PLAAT2: variants seen among roughly 807,000 people sequenced by gnomAD.
The protein encoded by PLAAT2 is phospholipase A and acyltransferase 2, also known as HRAS like suppressor 2.
A neutral mutation model predicts 12.8 loss-of-function variants in PLAAT2; 12 were observed. The ratio of observed to expected loss-of-function variants is 0.94; its 90% CI spans 0.60 to 1.52. The LOEUF is 1.52. Ranked by LOEUF, PLAAT2 falls within the 40% of genes most tolerant of loss-of-function variation. PLAAT2 has a pLI of 0.00. For missense variants in PLAAT2, 166 were observed against 208.1 expected, an observed-to-expected ratio of 0.80 and a Z score of 1.24; for synonymous variants, 79 against 86.8, an observed-to-expected ratio of 0.91 and a Z score of 0.50.
intron 3 of PLAAT2, among the ~76,000 whole-genome samples, chr11:63,554,419 G>A (rs1249089267): frequency 1.6e-4 from 25 of 151,842 alleles, no homozygotes; most frequent in Admixed American, 1.5e-3. Flanking sequence ...ATCATTTGAG[G>A]TCAGGAGTTC....
At chr11:63,564,763 C>A (rs770247029), upstream of PLAAT2, among the ~76,000 whole-genome samples, 4 of 152,168 alleles carry the variant, frequency 2.6e-5, no homozygotes, top group Non-Finnish European at 5.9e-5. Context: ...GCTTGCTGAT[C>A]ATCTTTTTAG....
At chr11:63,553,352 A>C (rs1198421298) in intron 3 of PLAAT2, among the ~76,000 whole-genome samples, 3 of 152,150 alleles carry the variant, frequency 2.0e-5, no homozygotes, top group Admixed American at 6.6e-5. Context: ...TATTAAAAGC[A>C]TAATAGGTCG....
chr11:63,553,014 C>T lies in PLAAT2; in HGVS notation c.439G>A (p.Ala147Thr), dbSNP rs755891349. ...VGVAAGLLAAASLVGILLARS... is the reference protein window; with the variant it reads ...VGVAAGLLAATSLVGILLARS... ...GCCAGCAGGATCCCCACAAGGCTTG[C>T]GGCAGCCAGCAGGCCTGCTGCCACA... Residue 147 changes from alanine (A) to threonine (T), a missense_variant, in exon 4 of 4, where the codon GCA (alanine) becomes ACA (threonine). Coordinates refer to ENST00000255695, the MANE Select transcript of PLAAT2 (RefSeq NM_017878.2). 64 of 1,613,784 alleles carry T rather than the reference C, an allele frequency of 4.0e-5. No homozygotes were observed. The highest frequency in any genetic ancestry group is 5.0e-5 in the Non-Finnish European group (59 of 1,179,892).
In PLAAT2 at chr11:63,552,925, T is replaced by C. The variant is rs779142692; in HGVS notation, c.*39A>G. 4 of 1,338,420 alleles carry C rather than the reference T, an allele frequency of 3.0e-6. No homozygotes were observed. The highest frequency in any genetic ancestry group is 4.3e-6 in the Non-Finnish European group (4 of 929,508). 82.9% of individuals were successfully genotyped at this position (1,338,420 alleles called of 1,614,324 possible). On this transcript the variant is annotated 3_prime_UTR_variant, in exon 4 of 4. Transcript: ENST00000255695. The stretch of plus-strand genomic sequence containing the variant: ...ACTCCTGCTGGCTAAATAATATTCC[T>C]CCGTAAGAATTGGTGGTTGTTGGGA...
At chr11:63,556,255 C>T (rs2017465713) in intron 3 of PLAAT2, among the ~76,000 whole-genome samples, 2 of 152,044 alleles carry the variant, frequency 1.3e-5, no homozygotes, top group African/African-American at 4.8e-5. Flanking sequence ...TATTGGGTGA[C>T]CTGCAGGAGA....
At chr11:63,561,949 T>A (rs1176308740) in intron 1 of PLAAT2, among the ~76,000 whole-genome samples, 1 of 152,184 alleles carries the variant, frequency 6.6e-6, no homozygotes, top group Non-Finnish European at 1.5e-5. Context: ...GGATATTTTT[T>A]AAAAACACTA....
chr11:63,563,841 G>C (rs1438719281), upstream of PLAAT2, among the ~76,000 whole-genome samples: 1 of 152,030 alleles, frequency 6.6e-6, no homozygotes, highest in African/African-American at 2.4e-5. Context: ...AGACAGAAGA[G>C]GAATCAGAGC....
chr11:63,563,697 G>GA (rs2017539224), upstream of PLAAT2, among the ~76,000 whole-genome samples: 1 of 145,964 alleles, frequency 6.9e-6, no homozygotes, highest in Admixed American at 6.9e-5. Flanking sequence ...TAGCCTGGGC[G>GA]GCAGGGCGAG....
chr11:63,553,993 G>A (rs924224904), intron 3 of PLAAT2, among the ~76,000 whole-genome samples: 1 of 152,182 alleles, frequency 6.6e-6, no homozygotes, highest in African/African-American at 2.4e-5. Flanking sequence ...TCTGCAAAAG[G>A]AAGAAGAAAC....
chr11:63,564,851 C>G (rs115353842), upstream of PLAAT2, among the ~76,000 whole-genome samples: 2,531 of 152,188 alleles, frequency 0.017, 79 homozygotes, highest in African/African-American at 0.058. Flanking sequence ...CCCCTGTTTC[C>G]TGGGGCAGGA....
upstream of PLAAT2, among the ~76,000 whole-genome samples, chr11:63,564,248 C>A (rs1565241751): frequency 6.6e-6 from 1 of 152,134 alleles, no homozygotes; most frequent in Non-Finnish European, 1.5e-5. Flanking sequence ...AAACCAAAAC[C>A]CAGTACTGGG....
chr11:63,557,574 C>T (rs1343557228), intron 3 of PLAAT2, among the ~76,000 whole-genome samples: 2 of 151,938 alleles, frequency 1.3e-5, no homozygotes, highest in Non-Finnish European at 2.9e-5. Context: ...CAAAAGTTGG[C>T]CAACTATGGC....
upstream of PLAAT2, among the ~76,000 whole-genome samples, chr11:63,563,785 G>A (rs1225568807): frequency 6.6e-6 from 1 of 150,790 alleles, no homozygotes; most frequent in Non-Finnish European, 1.5e-5. Context: ...TCTTCAAACA[G>A]GGGCAGAGCA....
chr11:63,555,285 C>T (rs2017456742), intron 3 of PLAAT2, among the ~76,000 whole-genome samples: 1 of 152,052 alleles, frequency 6.6e-6, no homozygotes. Flanking sequence ...GATTCCACAT[C>T]CATGGATCCA....
At chr11:63,558,101 A>G (rs1278939493) in intron 3 of PLAAT2, among the ~76,000 whole-genome samples, 3 of 152,068 alleles carry the variant, frequency 2.0e-5, no homozygotes, top group Non-Finnish European at 4.4e-5. Flanking sequence ...CCATCTGTAA[A>G]GTGGGAATCA....
rs745361726 is a variant in PLAAT2 at position 63,558,702 on chromosome 11, G to A, written c.119-42C>T. 9 of 1,602,202 alleles carry A rather than the reference G, an allele frequency of 5.6e-6. No homozygotes were observed. In the South Asian group the frequency reaches 6.7e-5, roughly 12 times the overall value. On this transcript the variant is annotated intron_variant, in intron 2 of 3. Transcript: ENST00000255695. ...TTCAGTCCTGGGCAGGGCCTGGGGG[G>A]CTCAGAGCTGGAAGCCAAGCAGCCT...
chr11:63,554,027 GC>G (rs890290918), intron 3 of PLAAT2, among the ~76,000 whole-genome samples: 20 of 152,262 alleles, frequency 1.3e-4, no homozygotes, highest in Admixed American at 5.2e-4. Flanking sequence ...GAGATGTGAG[GC>G]CGACCCCCGA....
chr11:63,557,824 G>A (rs751599770), intron 3 of PLAAT2, among the ~76,000 whole-genome samples: 1 of 152,074 alleles, frequency 6.6e-6, no homozygotes, highest in Admixed American at 6.6e-5. Context: ...CCTGGCTCAC[G>A]CTGTTCCCTC....
At chr11:63,553,362 G>A (rs1321172963) in intron 3 of PLAAT2, among the ~76,000 whole-genome samples, 2 of 152,076 alleles carry the variant, frequency 1.3e-5, no homozygotes, top group Non-Finnish European at 2.9e-5. Context: ...ATAATAGGTC[G>A]GGCTCAGTGG....
Sources: allele counts gnomAD v4.1 joint callset (sites outside exome capture counted in the v4.1 genomes callset), GRCh38; gene constraint gnomAD v4.1.1; transcripts MANE v1.5; gene names NCBI Gene and HGNC (gene_info 2026-07-23, HGNC 2026-07-21).